JAZF1: variants seen among roughly 807,000 people sequenced by gnomAD.
The protein encoded by JAZF1 is JAZF zinc finger 1.
JAZF1 carries 8 observed loss-of-function variants against 26.4 expected under a neutral mutation model. That is an observed-to-expected ratio of 0.30 (90% CI 0.18 to 0.55). The LOEUF is 0.55. JAZF1 is among the 20% of genes least tolerant of loss of function. The probability of loss-of-function intolerance (pLI) is 0.94; values close to 1 mark genes in which losing one functional copy is unlikely to be tolerated. For missense variants in JAZF1, 199 were observed against 322.0 expected (o/e 0.62, Z 2.92); for synonymous variants, 126 against 122.3 (o/e 1.03, Z -0.20).
At chr7:28,109,926 G>A (rs1784615232) in intron 1 of JAZF1, among the ~76,000 whole-genome samples, 3 of 152,160 alleles carry the variant, frequency 2.0e-5, no homozygotes, top group Admixed American at 6.5e-5. Context: ...TAAAAAAGTA[G>A]TAGTATCCAA....
intron 1 of JAZF1, among the ~76,000 whole-genome samples, chr7:28,164,844 A>T (rs1783341879): frequency 6.6e-6 from 1 of 152,206 alleles, no homozygotes; most frequent in Admixed American, 6.5e-5. Context: ...ATGGGCTCTC[A>T]GTTTGAAAAA....
At chr7:28,031,176 C>A (rs756119872) in intron 1 of JAZF1, among the ~76,000 whole-genome samples, 1 of 152,052 alleles carries the variant, frequency 6.6e-6, no homozygotes, top group African/African-American at 2.4e-5. Context: ...ATCGATGGCA[C>A]CTTCATACAT....
intron 2 of JAZF1, among the ~76,000 whole-genome samples, chr7:27,962,803 G>A (rs1034975558): frequency 6.6e-6 from 1 of 152,200 alleles, no homozygotes; most frequent in African/African-American, 2.4e-5. Context: ...ACAGTAACAT[G>A]CTGAGGGGAG....
chr7:28,084,545 T>C (rs1472799526), intron 1 of JAZF1, among the ~76,000 whole-genome samples: 4 of 152,206 alleles, frequency 2.6e-5, no homozygotes, highest in Admixed American at 2.6e-4. Flanking sequence ...CTCACAAACT[T>C]GTAGAAGTAC....
intron 1 of JAZF1, among the ~76,000 whole-genome samples, chr7:28,084,557 G>A (rs778018180): frequency 3.3e-5 from 5 of 152,148 alleles, no homozygotes; most frequent in Non-Finnish European, 7.4e-5. Context: ...TAGAAGTACT[G>A]GCTATTAAAA....
At chr7:27,877,018 G>C (rs1364199173) in intron 3 of JAZF1, among the ~76,000 whole-genome samples, 2 of 152,192 alleles carry the variant, frequency 1.3e-5, no homozygotes, top group Non-Finnish European at 2.9e-5. Context: ...CCTTGGGGAG[G>C]TTACTGTGAA....
chr7:27,981,498 G>T (rs1344221872), intron 2 of JAZF1, among the ~76,000 whole-genome samples: 1 of 152,196 alleles, frequency 6.6e-6, no homozygotes, highest in Non-Finnish European at 1.5e-5. Context: ...TATTAGATAA[G>T]ATTTAAATTT....
chr7:27,851,513 T>TGTG (rs1453614649), intron 3 of JAZF1, among the ~76,000 whole-genome samples: 1 of 151,898 alleles, frequency 6.6e-6, no homozygotes, highest in African/African-American at 2.4e-5. Context: ...ATTAGCTGGG[T>TGTG]GTGGTGGTAC....
chr7:28,119,231 C>A (rs756379009), intron 1 of JAZF1, among the ~76,000 whole-genome samples: 14 of 152,148 alleles, frequency 9.2e-5, no homozygotes, highest in Non-Finnish European at 1.6e-4. Context: ...AGAGGACGCT[C>A]CTGAATTTCA....
chr7:28,053,819 C>T (rs1783654398), intron 1 of JAZF1, among the ~76,000 whole-genome samples: 2 of 152,292 alleles, frequency 1.3e-5, no homozygotes, highest in South Asian at 4.1e-4. Flanking sequence ...TCCACTCATA[C>T]TGAGAAGATG....
chr7:27,878,330 T>A (rs1783715973), intron 3 of JAZF1, among the ~76,000 whole-genome samples: 1 of 152,214 alleles, frequency 6.6e-6, no homozygotes, highest in South Asian at 2.1e-4. Flanking sequence ...TTGACCATGA[T>A]CCATTGAAAA....
intron 1 of JAZF1, among the ~76,000 whole-genome samples, chr7:28,155,680 C>A (rs1025543867): frequency 2.0e-5 from 3 of 152,204 alleles, no homozygotes; most frequent in African/African-American, 4.8e-5. Context: ...ACAACCTCCA[C>A]CTAAATTCAG....
chr7:27,974,698 C>A (rs1011945511), intron 2 of JAZF1, among the ~76,000 whole-genome samples: 2 of 152,114 alleles, frequency 1.3e-5, no homozygotes, highest in African/African-American at 4.8e-5. Context: ...GTCATGGGGA[C>A]AAGTCAAAGT....
chr7:28,111,163 G>T (rs75070079), intron 1 of JAZF1, among the ~76,000 whole-genome samples: 1 of 152,158 alleles, frequency 6.6e-6, no homozygotes, highest in East Asian at 1.9e-4. Flanking sequence ...CATAGATAAA[G>T]GGATAGTCTG....
intron 1 of JAZF1, among the ~76,000 whole-genome samples, chr7:27,997,926 T>C (rs982583331): frequency 1.3e-5 from 2 of 150,910 alleles, no homozygotes; most frequent in African/African-American, 4.9e-5. Context: ...TCTCTAGACA[T>C]TGGAGGAAAA....
At chr7:27,835,773 A>C (rs1042703197) in intron 4 of JAZF1, among the ~76,000 whole-genome samples, 4 of 152,206 alleles carry the variant, frequency 2.6e-5, no homozygotes, top group Non-Finnish European at 5.9e-5. Context: ...AGATCCACCA[A>C]AGTTTATTTC....
At chr7:28,021,114 A>AT (rs1175287154) in intron 1 of JAZF1, among the ~76,000 whole-genome samples, 1 of 152,124 alleles carries the variant, frequency 6.6e-6, no homozygotes, top group African/African-American at 2.4e-5. Context: ...CCAACAAGGG[A>AT]TGGGCAGGAC....
At chr7:28,174,713 G>A (rs1422309843) in intron 1 of JAZF1, among the ~76,000 whole-genome samples, 1 of 67,016 alleles carries the variant, frequency 1.5e-5, no homozygotes, top group African/African-American at 3.2e-5. Context: ...TGATCTGACT[G>A]TTTACAGGTG....
rs765460193 is a variant in JAZF1, at chr7:27,992,309, A to G, written c.116-328T>C. 59 of 443,132 alleles carry G rather than the reference A, an allele frequency of 1.3e-4. 1 individual carries two copies. Among genetic ancestry groups the G allele is most frequent in the South Asian group, 7.1e-4 (40 of 56,736 alleles). The allele number at this position is 443,132 out of a possible 1,614,324, so 27.5% of individuals were successfully genotyped here. Reference sequence around the variant, plus strand: ...ATGGTTTTTGGTGGTTCATCGGCCTAAGAAAGAAAGTCTCTGTTAATTATG... The same window carrying G: ...ATGGTTTTTGGTGGTTCATCGGCCTGAGAAAGAAAGTCTCTGTTAATTATG... On this transcript the variant is annotated intron_variant, in intron 1 of 4. Transcript: ENST00000283928.
Sources: gnomAD v4.1 joint callset for allele counts (sites outside exome capture counted in the v4.1 genomes callset) on GRCh38, gnomAD v4.1.1 for gene constraint, MANE v1.5 for transcripts, NCBI Gene and HGNC (gene_info 2026-07-23, HGNC 2026-07-21) for gene names.